Variants in SPATA16 observed in about 807,000 individuals in gnomAD.
SPATA16 encodes the protein spermatogenesis-associated protein 16.
Under a neutral mutation model 63.3 loss-of-function variants are expected in SPATA16, and 36 were observed. The observed-to-expected ratio is 0.57, with a 90% CI of 0.44 to 0.75. SPATA16 has a LOEUF of 0.75. Ranked by LOEUF, SPATA16 falls within the 30% of genes least tolerant of loss-of-function variation. SPATA16 has a pLI of 0.00. For synonymous variants in SPATA16, 203 were observed against 216.7 expected, an observed-to-expected ratio of 0.94 and a Z score of 0.56; for missense variants, 646 against 679.3, an observed-to-expected ratio of 0.95 and a Z score of 0.54.
chr3:173,015,066 T>C (rs572649600), intron 4 of SPATA16, among the ~76,000 whole-genome samples: 13 of 83,872 alleles, frequency 1.5e-4, no homozygotes, highest in African/African-American at 9.5e-4. Flanking sequence ...TTTTTTCTCT[T>C]TTTTTTTTTT....
At chr3:173,001,054 G>A (rs557975634) in intron 4 of SPATA16, among the ~76,000 whole-genome samples, 38 of 152,174 alleles carry the variant, frequency 2.5e-4, no homozygotes, top group African/African-American at 7.9e-4. Context: ...TTGTTCAGTC[G>A]TTCTCTTCAA....
chr3:172,940,355 CA>C (rs1448314212), intron 6 of SPATA16, among the ~76,000 whole-genome samples: 3 of 152,128 alleles, frequency 2.0e-5, no homozygotes, highest in Admixed American at 1.3e-4. Context: ...GGATAGTTAT[CA>C]GAATTGAATT....
chr3:173,134,586 G>C (rs374655281), intron 1 of SPATA16, among the ~76,000 whole-genome samples: 1 of 152,070 alleles, frequency 6.6e-6, no homozygotes, highest in Non-Finnish European at 1.5e-5. Flanking sequence ...TCTTTGCCAC[G>C]TGGTAATGCA....
intron 2 of SPATA16, among the ~76,000 whole-genome samples, chr3:173,113,134 T>C (rs534391353): frequency 6.6e-6 from 1 of 152,350 alleles, no homozygotes; most frequent in African/African-American, 2.4e-5. Context: ...TTGCCTAATA[T>C]GCAAATACAA....
At chr3:173,042,036 C>A (rs1560104793) in intron 3 of SPATA16, among the ~76,000 whole-genome samples, 1 of 152,060 alleles carries the variant, frequency 6.6e-6, no homozygotes, top group Admixed American at 6.6e-5. Flanking sequence ...CCTATTACTT[C>A]TATTATGAAT....
intron 6 of SPATA16, among the ~76,000 whole-genome samples, chr3:172,948,831 A>G (rs1467015071): frequency 3.3e-5 from 5 of 152,206 alleles, no homozygotes; most frequent in African/African-American, 1.2e-4. Flanking sequence ...TACAGCAATG[A>G]AAATGAATAA....
At chr3:172,993,039 A>G (rs62282606) in intron 4 of SPATA16, among the ~76,000 whole-genome samples, 15,156 of 152,198 alleles carry the variant, frequency 0.1, 991 homozygotes, top group Non-Finnish European at 0.14. Flanking sequence ...TCCAGACTAC[A>G]CTATTAGAGA....
At chr3:173,076,098 G>A (rs1166727774) in intron 2 of SPATA16, among the ~76,000 whole-genome samples, 2 of 151,942 alleles carry the variant, frequency 1.3e-5, no homozygotes, top group Non-Finnish European at 2.9e-5. Context: ...GAAGGAAGAA[G>A]CAGGTTTAGC....
chr3:173,110,694 TG>T (rs1560126297), intron 2 of SPATA16, among the ~76,000 whole-genome samples: 1 of 152,216 alleles, frequency 6.6e-6, no homozygotes, highest in Non-Finnish European at 1.5e-5. Context: ...CTAAGAAAGT[TG>T]CTCAAACTCA....
intron 5 of SPATA16, among the ~76,000 whole-genome samples, chr3:172,960,887 C>CTTTCTT (rs1177756966): frequency 1.4e-3 from 85 of 62,144 alleles, no homozygotes; most frequent in South Asian, 1.7e-3. Flanking sequence ...CTTTCTTTCT[C>CTTTCTT]TCTCTCCTTC....
intron 3 of SPATA16, among the ~76,000 whole-genome samples, chr3:173,029,406 G>GTTTTTTTTT (rs57233262): frequency 7.2e-5 from 10 of 139,834 alleles, no homozygotes; most frequent in African/African-American, 2.2e-4. Flanking sequence ...AGTAATCAGA[G>GTTTTTTTTT]TTTTTTTTTT....
chr3:173,068,935 C>T (rs1318202964), intron 2 of SPATA16, among the ~76,000 whole-genome samples: 2 of 150,334 alleles, frequency 1.3e-5, no homozygotes, highest in Non-Finnish European at 3.0e-5. Context: ...ACGGTGAAAC[C>T]CCGTCTCTAA....
intron 4 of SPATA16, among the ~76,000 whole-genome samples, chr3:173,006,996 A>G (rs1734959435): frequency 6.6e-6 from 1 of 152,218 alleles, no homozygotes; most frequent in South Asian, 2.1e-4. Context: ...CAGATCATTC[A>G]TTTCTAAAGG....
intron 3 of SPATA16, among the ~76,000 whole-genome samples, chr3:173,031,745 A>G (rs1735612877): frequency 6.6e-6 from 1 of 152,092 alleles, no homozygotes; most frequent in South Asian, 2.1e-4. Context: ...TTGACTTGCT[A>G]CAAAAGATTG....
intron 2 of SPATA16, among the ~76,000 whole-genome samples, chr3:173,083,222 G>A (rs1736965792): frequency 6.6e-6 from 1 of 151,360 alleles, no homozygotes. Context: ...AATGATAATA[G>A]AAAGAAGGGA....
At chr3:173,094,367 C>T (rs1737298359) in intron 2 of SPATA16, among the ~76,000 whole-genome samples, 1 of 152,012 alleles carries the variant, frequency 6.6e-6, no homozygotes, top group African/African-American at 2.4e-5. Context: ...TTATGTAATG[C>T]TTTAAAGAGG....
In SPATA16 at chr3:173,098,945, T is replaced by C. The variant is rs377722237; in HGVS notation, c.612+18175A>G. 8.5e-5 allele frequency among the ~76,000 whole-genome samples: 13 copies of C among 152,082 alleles called. 1 individual carries two copies. The highest frequency in any genetic ancestry group is 2.6e-4 in the Admixed American group (4 of 15,256). The stretch of plus-strand genomic sequence containing the variant: ...TTCTTTCAAAAGGATTTGGCAAAAA[T>C]CAACCAACCAACCAACCAACCAAAC... On this transcript the variant is annotated intron_variant, in intron 2 of 10. Transcript: ENST00000351008.
Position 173,048,979 on chromosome 3 carries a change from T to C in SPATA16, c.728A>G (p.Lys243Arg). ...KLVTCYLRMR[K>R]PDLALNHAHR... ...TGCATGATTCAGGGCAAGATCTGGT[T>C]TCCTCATCCGTAGATAACAGGTAAC... Residue 243 changes from lysine to arginine, a missense_variant, in exon 3 of 11, where the codon AAA becomes AGA. Coordinates refer to ENST00000351008, the MANE Select transcript of SPATA16 (RefSeq NM_031955.6). The C allele has an allele frequency of 6.2e-7, 1 of 1,613,852 alleles. No homozygotes were observed. Among genetic ancestry groups the C allele is most frequent in the East Asian group, 2.2e-5 (1 of 44,860 alleles).
intron 5 of SPATA16, among the ~76,000 whole-genome samples, chr3:172,963,131 A>G (rs1733828415): frequency 6.6e-6 from 1 of 152,130 alleles, no homozygotes; most frequent in Admixed American, 6.5e-5. Flanking sequence ...TCCCTGCTGC[A>G]ATGATCAACA....
Sources: allele counts gnomAD v4.1 joint callset (sites outside exome capture counted in the v4.1 genomes callset), GRCh38; gene constraint gnomAD v4.1.1; transcripts MANE v1.5; gene names NCBI Gene and HGNC (gene_info 2026-07-23, HGNC 2026-07-21).